Variants in PHF21B observed in about 807,000 individuals in gnomAD.
PHF21B encodes PHD finger protein 4.
A neutral mutation model predicts 62.2 loss-of-function variants in PHF21B; 22 were observed. The observed-to-expected ratio is 0.35, with a 90% CI of 0.25 to 0.51. The LOEUF is 0.51. Among genes scored for constraint, PHF21B ranks in the 20% least tolerant of loss-of-function variants. The pLI, the probability that PHF21B is intolerant of heterozygous loss-of-function variation, is 0.97. For synonymous variants in PHF21B, 341 were observed against 314.7 expected (o/e 1.08, Z -0.88); for missense variants, 701 against 707.9 (o/e 0.99, Z 0.11).
At chr22:44,928,216 A>G (rs1260851938) in intron 2 of PHF21B, among the ~76,000 whole-genome samples, 1 of 152,050 alleles carries the variant, frequency 6.6e-6, no homozygotes, top group African/African-American at 2.4e-5. Flanking sequence ...CCGCTTCAGC[A>G]CGCACCACCA....
At position 44,916,566 on chromosome 22, in the gene PHF21B, T is replaced by C. The variant is rs983447409; in HGVS notation, c.278A>G (p.Lys93Arg). 1.4e-5 allele frequency: 22 copies of C among 1,607,776 alleles called. No homozygotes were observed. The Admixed American group carries it at 2.3e-4, about 17-fold the overall frequency. The change falls in exon 4 of 13, where the codon AAG (lysine) becomes AGG (arginine). Residue 93 changes from lysine (K) to arginine (R), a missense_variant. Physicochemically the swap from Lys to Arg is conservative, Grantham distance 26. Transcript: ENST00000313237. ...PVAPGRDRPP[K>R]QPPTFQKATV... ...GGCCTTCTGGAATGTTGGGGGCTGC[T>C]TGGGTGGCCGGTCCCGGCCCGGGGC... is the stretch of plus-strand genomic sequence containing the variant.
Position 44,916,642 on chromosome 22 carries a change from G to A in PHF21B, c.214-12C>T, listed in dbSNP as rs2071440616. On this transcript the variant is annotated splice_polypyrimidine_tract_variant and intron_variant, in intron 3 of 12. Transcript: ENST00000313237. Reference sequence around the variant, plus strand: ...GTCTTTGGCCTAACCTGGGAAGAAGGGACAGGTATGTGGTCAGACAGGCAG... The same window carrying A: ...GTCTTTGGCCTAACCTGGGAAGAAGAGACAGGTATGTGGTCAGACAGGCAG... 1.3e-6 allele frequency: 2 copies of A among 1,598,196 alleles called. No individual in the cohort carries two copies. Among genetic ancestry groups the A allele is most frequent in the Non-Finnish European group, 1.7e-6 (2 of 1,178,178 alleles).
intron 2 of PHF21B, among the ~76,000 whole-genome samples, chr22:44,958,829 C>T (rs1192157033): frequency 9.9e-5 from 15 of 151,848 alleles, no homozygotes; most frequent in South Asian, 2.1e-4. Context: ...TTTGTAGAGA[C>T]GGGGTTTCAC....
chr22:45,009,382 G>C lies in PHF21B; in HGVS notation c.54+114C>G, dbSNP rs2073384234. On this transcript the variant is annotated intron_variant, in intron 1 of 12. Transcript: ENST00000313237. The surrounding 1 kb of genome is among the most constrained non-coding windows in gnomAD (Gnocchi z 5.9). ...TCCCTCGCCCCCCGCCCCCGGGCAG[G>C]CTCCAGCCTGGAAGACCCAGAGACC... 1 of 1,128,546 alleles carries C rather than the reference G, an allele frequency of 8.9e-7. No individual in the cohort carries two copies. The highest frequency in any genetic ancestry group is 1.6e-5 in the African/African-American group (1 of 61,138). 69.9% of individuals were successfully genotyped at this position (1,128,546 alleles called of 1,614,324 possible). A position where few individuals can be genotyped will look rare whatever the true frequency, so the allele number is the denominator to read the frequency against.
At chr22:45,005,597 G>A (rs935764135) in intron 2 of PHF21B, among the ~76,000 whole-genome samples, 3 of 152,124 alleles carry the variant, frequency 2.0e-5, no homozygotes, top group Admixed American at 6.5e-5. Context: ...TCGCGCTAAG[G>A]GCATGAATGA....
chr22:44,893,503 C>T lies in PHF21B; in HGVS notation c.914G>A (p.Arg305Lys). The T allele has an allele frequency of 6.2e-7, 1 of 1,604,666 alleles. No homozygotes were observed. Among genetic ancestry groups the T allele is most frequent in the Non-Finnish European group, 8.5e-7 (1 of 1,175,900 alleles). The part of the protein sequence containing the change: ...EIQSKRQERK[R>K]RSTANPAYSG... ...GTAGGCAGGGTTGGCTGTGCTTCTT[C>T]TCTTCCGCTCCTGTCGCTTGCTCTG... Residue 305 changes from arginine to lysine, a missense_variant, in exon 7 of 13, where the codon AGA (arginine) becomes AAA (lysine). Coordinates refer to ENST00000313237, the MANE Select transcript of PHF21B (RefSeq NM_138415.5).
chr22:44,919,067 G>A (rs1342320595), intron 3 of PHF21B, among the ~76,000 whole-genome samples: 1 of 152,106 alleles, frequency 6.6e-6, no homozygotes. Context: ...GCTCCCTCTA[G>A]GGCCTAACTC....
intron 2 of PHF21B, among the ~76,000 whole-genome samples, chr22:44,925,497 G>T (rs1272523361): frequency 6.6e-6 from 1 of 152,174 alleles, no homozygotes; most frequent in Admixed American, 6.5e-5. Flanking sequence ...AACTCTGAGA[G>T]GCTCATGTCC....
At position 44,894,132 on chromosome 22, in the gene PHF21B, G is replaced by C. The variant is rs114574789; in HGVS notation, c.884-599C>G. Among the ~76,000 whole-genome samples, 601 of 152,310 alleles carry C rather than the reference G, an allele frequency of 3.9e-3. 4 individuals carry two copies. Among genetic ancestry groups the C allele is most frequent in the African/African-American group, 0.012 (489 of 41,578 alleles). On this transcript the variant is annotated intron_variant, in intron 6 of 12. Transcript: ENST00000313237. ...AGCGTCTTCTAATCTCTGTCTCCCG[G>C]ACCTAGTTTTGCTTTTTAAACCTTC...
intron 2 of PHF21B, among the ~76,000 whole-genome samples, chr22:44,932,355 C>G (rs1042864951): frequency 2.0e-5 from 3 of 152,182 alleles, no homozygotes; most frequent in Non-Finnish European, 4.4e-5. Flanking sequence ...GACTGCTCAC[C>G]CACTATCAGA....
chr22:45,005,489 A>C (rs745746849), intron 2 of PHF21B, among the ~76,000 whole-genome samples: 1 of 152,200 alleles, frequency 6.6e-6, no homozygotes, highest in Non-Finnish European at 1.5e-5. Context: ...CAGAAAACAT[A>C]TCTCTATCTA....
intron 2 of PHF21B, chr22:45,002,862 T>TA (rs1486359953): frequency 6.6e-6 from 1 of 152,390 alleles, no homozygotes; most frequent in Non-Finnish European, 1.5e-5. Flanking sequence ...GCAGCGCCCT[T>TA]ACCTCCCACT....
At position 44,997,995 on chromosome 22, in the gene PHF21B, C is replaced by G. The variant is rs553986293; in HGVS notation, c.120+10550G>C. ...TACCCTCAATTGTAGACTCTGAAAA[C>G]AGAAATGTGCAAACTTGGGCTAGGT... On this transcript the variant is annotated intron_variant, in intron 2 of 12. Coordinates refer to ENST00000313237, the MANE Select transcript of PHF21B (RefSeq NM_138415.5). 7.2e-5 allele frequency among the ~76,000 whole-genome samples: 11 copies of G among 152,334 alleles called. No individual in the cohort carries two copies. The East Asian group carries it at 2.1e-3, about 29-fold the overall frequency.
At chr22:44,937,837 G>A (rs982573194) in intron 2 of PHF21B, among the ~76,000 whole-genome samples, 6 of 152,386 alleles carry the variant, frequency 3.9e-5, no homozygotes, top group East Asian at 1.9e-4. Context: ...CACAAAGGCC[G>A]CAGGCCTCCC....
intron 2 of PHF21B, among the ~76,000 whole-genome samples, chr22:44,953,545 AC>A (rs1208360517): frequency 1.3e-5 from 2 of 151,582 alleles, no homozygotes; most frequent in Non-Finnish European, 2.9e-5. Context: ...GGATCTTTCA[AC>A]GCTGTGAACT....
At chr22:44,990,456 C>T (rs1191041922) in intron 2 of PHF21B, among the ~76,000 whole-genome samples, 5 of 152,170 alleles carry the variant, frequency 3.3e-5, no homozygotes, top group South Asian at 2.1e-4. Context: ...GGAGTACGTG[C>T]AAGCAGTGGA....
intron 2 of PHF21B, among the ~76,000 whole-genome samples, chr22:44,935,431 G>A (rs961663182): frequency 1.3e-5 from 2 of 152,048 alleles, no homozygotes; most frequent in Admixed American, 6.6e-5. Flanking sequence ...TGGCTAACAC[G>A]GTGAAACCCT....
intron 2 of PHF21B, among the ~76,000 whole-genome samples, chr22:44,977,391 C>T (rs2072757119): frequency 6.6e-6 from 1 of 151,986 alleles, no homozygotes; most frequent in Admixed American, 6.6e-5. Flanking sequence ...ATGGTGAAAC[C>T]CCATCTTTAC....
chr22:44,897,393 G>C (rs930408388), intron 5 of PHF21B, among the ~76,000 whole-genome samples: 1 of 152,082 alleles, frequency 6.6e-6, no homozygotes, highest in African/African-American at 2.4e-5. Context: ...AGAGCGAAGA[G>C]GTGCCAAAGC....
Sources: gnomAD v4.1 joint callset for allele counts (sites outside exome capture counted in the v4.1 genomes callset) on GRCh38, gnomAD v4.1.1 for gene constraint, Gnocchi (gnomAD v3.1) non-coding constraint, MANE v1.5 for transcripts, NCBI Gene and HGNC (gene_info 2026-07-23, HGNC 2026-07-21) for gene names.